CTNNA1: variants seen among roughly 807,000 people sequenced by gnomAD.
CTNNA1 encodes catenin alpha 1.
In CTNNA1, 37 loss-of-function variants were observed where a neutral mutation model predicts 98.4. The ratio of observed to expected loss-of-function variants is 0.38; its 90% confidence interval spans 0.29 to 0.49. The LOEUF is 0.49. Ranked by LOEUF, CTNNA1 falls within the 20% of genes least tolerant of loss-of-function variation. CTNNA1 has a pLI of 0.95. For missense variants in CTNNA1, 761 were observed against 1,147.2 expected (o/e 0.66, Z 4.86); for synonymous variants, 404 against 413.2 (o/e 0.98, Z 0.27).
chr5:138,793,284 G>A lies in CTNNA1; in HGVS notation c.301+9912G>A, dbSNP rs185470784. On this transcript the variant is annotated intron_variant, in intron 3 of 17. Coordinates refer to ENST00000302763, the MANE Select transcript of CTNNA1 (RefSeq NM_001903.5). ...TTAAACTATAAGTCTTTAGGGCAGA[G>A]GCTATATTTTCTTTGACTTGGGATG... 1.3e-5 allele frequency among the ~76,000 whole-genome samples: 2 copies of A among 152,300 alleles called. No individual in the cohort carries two copies. Among genetic ancestry groups the A allele is most frequent in the East Asian group, 3.9e-4 (2 of 5,190 alleles).
intron 1 of CTNNA1, among the ~76,000 whole-genome samples, chr5:138,763,420 G>A (rs1252940862): frequency 6.6e-6 from 1 of 152,116 alleles, no homozygotes; most frequent in East Asian, 1.9e-4. Flanking sequence ...ATTAATCCAA[G>A]CTTTTTTTTT....
chr5:138,927,630 C>T (rs1424768367), intron 13 of CTNNA1, among the ~76,000 whole-genome samples: 2 of 152,100 alleles, frequency 1.3e-5, no homozygotes, highest in African/African-American at 2.4e-5. Context: ...GTCATTTCTT[C>T]CATTAGAATA....
intron 1 of CTNNA1, among the ~76,000 whole-genome samples, chr5:138,767,124 C>G (rs1285139236): frequency 1.3e-5 from 2 of 152,118 alleles, no homozygotes. Context: ...GCAAGCTCCT[C>G]CTCCCGGGTT....
chr5:138,871,468 TTC>T (rs1750604256), intron 7 of CTNNA1: 1 of 152,266 alleles, frequency 6.6e-6, no homozygotes, highest in Non-Finnish European at 1.5e-5. Flanking sequence ...ATACCTGTGG[TTC>T]TTTTCTGCAT....
rs1753402356 is a variant in CTNNA1, at chr5:138,770,352, C to T, written c.-2-11571C>T. ...CAGTTGTTAGGAGGGCTTGATGCAGCTTTCTATTAAACACTCTTCCATTGT... is the reference window on the plus strand; with the variant it reads ...CAGTTGTTAGGAGGGCTTGATGCAGTTTTCTATTAAACACTCTTCCATTGT... On this transcript the variant is annotated intron_variant, in intron 1 of 17. Coordinates refer to ENST00000302763, the MANE Select transcript of CTNNA1 (RefSeq NM_001903.5). Among the ~76,000 whole-genome samples, 2 of 152,146 alleles carry T rather than the reference C, an allele frequency of 1.3e-5. 1 individual carries two copies. Among genetic ancestry groups the T allele is most frequent in the Admixed American group, 1.3e-4 (2 of 15,272 alleles).
chr5:138,926,973 A>G (rs1447950850), intron 13 of CTNNA1, among the ~76,000 whole-genome samples: 1 of 152,188 alleles, frequency 6.6e-6, no homozygotes, highest in Non-Finnish European at 1.5e-5. Flanking sequence ...GCTCGGGCCC[A>G]GACCTCGAAT....
At chr5:138,804,787 G>A (rs1299379436) in intron 3 of CTNNA1, among the ~76,000 whole-genome samples, 1 of 152,002 alleles carries the variant, frequency 6.6e-6, no homozygotes, top group Non-Finnish European at 1.5e-5. Flanking sequence ...TATTAGGTTG[G>A]TGCAAAAGTA....
At chr5:138,788,588 C>G (rs539978270) in intron 3 of CTNNA1, among the ~76,000 whole-genome samples, 1 of 152,212 alleles carries the variant, frequency 6.6e-6, no homozygotes, top group South Asian at 2.1e-4. Flanking sequence ...CAGACATTCC[C>G]CATACATGTA....
intron 4 of CTNNA1, among the ~76,000 whole-genome samples, chr5:138,811,103 G>T (rs1758695622): frequency 6.6e-6 from 1 of 151,658 alleles, no homozygotes; most frequent in Non-Finnish European, 1.5e-5. Context: ...GGGCGGAGGG[G>T]CTCCTCATTT....
At chr5:138,771,264 T>C (rs966340218) in intron 1 of CTNNA1, among the ~76,000 whole-genome samples, 2 of 152,060 alleles carry the variant, frequency 1.3e-5, no homozygotes, top group Non-Finnish European at 2.9e-5. Flanking sequence ...TGTTGTAGTG[T>C]CTCCTGATGC....
At chr5:138,844,867 T>C (rs1762574755) in intron 7 of CTNNA1, among the ~76,000 whole-genome samples, 1 of 152,090 alleles carries the variant, frequency 6.6e-6, no homozygotes, top group African/African-American at 2.4e-5. Context: ...GAGTCAAAAA[T>C]TAATTAGTGT....
At chr5:138,809,765 T>C (rs948781150) in intron 3 of CTNNA1, among the ~76,000 whole-genome samples, 1 of 152,100 alleles carries the variant, frequency 6.6e-6, no homozygotes, top group Non-Finnish European at 1.5e-5. Flanking sequence ...AGGAACATTA[T>C]TAGATCAAAG....
At chr5:138,793,358 T>C (rs527799522) in intron 3 of CTNNA1, among the ~76,000 whole-genome samples, 2 of 152,356 alleles carry the variant, frequency 1.3e-5, no homozygotes, top group South Asian at 4.1e-4. Flanking sequence ...TGTGAGCATA[T>C]GCTGCTTTGC....
intron 7 of CTNNA1, among the ~76,000 whole-genome samples, chr5:138,845,169 AT>A (rs1461240393): frequency 6.6e-6 from 1 of 152,146 alleles, no homozygotes; most frequent in Non-Finnish European, 1.5e-5. Context: ...TCTAGGGTGG[AT>A]TTAGCCTTTG....
chr5:138,861,502 A>G (rs1263130795), intron 7 of CTNNA1, among the ~76,000 whole-genome samples: 1 of 152,214 alleles, frequency 6.6e-6, no homozygotes, highest in Non-Finnish European at 1.5e-5. Context: ...CTGGAATGAA[A>G]GATTACTGCC....
At chr5:138,907,800 A>T (rs900972061) in intron 10 of CTNNA1, among the ~76,000 whole-genome samples, 1 of 152,186 alleles carries the variant, frequency 6.6e-6, no homozygotes, top group South Asian at 2.1e-4. Flanking sequence ...AGAGGTGCTC[A>T]GTGCTTCTAG....
chr5:138,826,163 A>G (rs564442065), intron 6 of CTNNA1, among the ~76,000 whole-genome samples: 9 of 152,324 alleles, frequency 5.9e-5, no homozygotes, highest in South Asian at 2.1e-4. Context: ...ACAAAAAATG[A>G]TCAGCTAAAA....
At chr5:138,876,725 C>G (rs925699750) in intron 7 of CTNNA1, among the ~76,000 whole-genome samples, 20 of 152,192 alleles carry the variant, frequency 1.3e-4, no homozygotes, top group African/African-American at 4.8e-4. Context: ...CTGGGCAGAT[C>G]TAAGAAGTAA....
intron 5 of CTNNA1, among the ~76,000 whole-genome samples, chr5:138,820,866 C>T (rs947358453): frequency 6.6e-6 from 1 of 152,064 alleles, no homozygotes; most frequent in African/African-American, 2.4e-5. Context: ...TATAACTGGT[C>T]GCATATTAAT....
Sources: gnomAD v4.1 joint callset for allele counts (sites outside exome capture counted in the v4.1 genomes callset) on GRCh38, gnomAD v4.1.1 for gene constraint, MANE v1.5 for transcripts, NCBI Gene and HGNC (gene_info 2026-07-23, HGNC 2026-07-21) for gene names.